Variants in RAB3B observed in about 807,000 individuals in gnomAD.
RAB3B encodes RAB3B, member RAS oncogene family, also known as ras-related protein Rab-3B.
In RAB3B, 11 loss-of-function variants were observed where a neutral mutation model predicts 20.5. The ratio of observed to expected loss-of-function variants is 0.54; its 90% CI spans 0.34 to 0.89. The LOEUF is 0.89. Ranked by LOEUF, RAB3B falls within the 40% of genes least tolerant of loss-of-function variation. The pLI is 0.02. For missense variants in RAB3B, 225 were observed against 280.9 expected (o/e 0.80, Z 1.42); for synonymous variants, 99 against 106.3 (o/e 0.93, Z 0.42).
chr1:51,919,173 C>A lies in RAB3B; in HGVS notation c.*754G>T, dbSNP rs963325916. 6.6e-6 allele frequency: 1 copy of A among 151,532 alleles called. No homozygotes were observed. The highest frequency in any genetic ancestry group is 1.5e-5 in the Non-Finnish European group (1 of 67,872). 9.4% of individuals were successfully genotyped at this position (151,532 alleles called of 1,614,324 possible). A position where few individuals can be genotyped will look rare whatever the true frequency, so the allele number is the denominator to read the frequency against. ...TAATTTTTTGTATTTTTAGTAGAGA[C>A]GGGGTTTCACCTTGTTAGCCAGGAT... On this transcript the variant is annotated 3_prime_UTR_variant, in exon 5 of 5. Transcript: ENST00000371655.
At chr1:51,990,348 C>T (rs942234752) in intron 1 of RAB3B, among the ~76,000 whole-genome samples, 2 of 145,254 alleles carry the variant, frequency 1.4e-5, no homozygotes, top group South Asian at 4.5e-4. Flanking sequence ...CCGGCTGCCC[C>T]CAACGTCTGG....
intron 2 of RAB3B, among the ~76,000 whole-genome samples, chr1:51,967,017 A>AAATG: frequency 1.3e-5 from 2 of 152,274 alleles, no homozygotes; most frequent in Middle Eastern, 3.4e-3. Flanking sequence ...CTCCTGTCTA[A>AAATG]AATGAAAGAC....
In RAB3B at chr1:51,908,914, CT is replaced by C; in HGVS notation, c.*11012del. On this transcript the variant is annotated 3_prime_UTR_variant, in exon 5 of 5. Transcript: ENST00000371655. Reference sequence around the variant, plus strand: ...TCATCAGGGCATGGATGGGAAAGTGCTTTGGGAACTGTAAAGTGCCTAACAC... The same window carrying C: ...TCATCAGGGCATGGATGGGAAAGTGCTTGGGAACTGTAAAGTGCCTAACAC... 6.6e-6 allele frequency: 1 copy of C among 152,280 alleles called. No homozygotes were observed. The highest frequency in any genetic ancestry group is 1.5e-5 in the Non-Finnish European group (1 of 68,058). The allele number at this position is 152,280 out of a possible 1,614,324, so 9.4% of individuals were successfully genotyped here.
intron 2 of RAB3B, among the ~76,000 whole-genome samples, chr1:51,962,068 A>G (rs1035337260): frequency 6.6e-6 from 1 of 152,172 alleles, no homozygotes; most frequent in African/African-American, 2.4e-5. Flanking sequence ...CACTGCACCC[A>G]GACTGAAGCC....
intron 2 of RAB3B, among the ~76,000 whole-genome samples, chr1:51,968,867 G>A (rs1371063963): frequency 6.6e-6 from 1 of 152,164 alleles, no homozygotes; most frequent in Non-Finnish European, 1.5e-5. Flanking sequence ...TATATGAGGA[G>A]TTACTCACAT....
chr1:51,954,807 A>G (rs977397730), intron 2 of RAB3B, among the ~76,000 whole-genome samples: 5 of 152,250 alleles, frequency 3.3e-5, no homozygotes, highest in Middle Eastern at 3.2e-3. Context: ...ATATCTTTAA[A>G]AAAGGATGTA....
rs746898343 is a variant in RAB3B, at chr1:51,971,235, C to CA, written c.228+5654dup. ...AGTGATTTATCAAAGCTCACAAAAC[C>CA]AAAAAAAAAAAAATCACAAAACTTT... On this transcript the variant is annotated intron_variant, in intron 2 of 4. Coordinates refer to ENST00000371655, the MANE Select transcript of RAB3B (RefSeq NM_002867.4). 5.0e-3 allele frequency among the ~76,000 whole-genome samples: 683 copies of CA among 137,970 alleles called. 1 individual carries two copies. Among genetic ancestry groups the CA allele is most frequent in the African/African-American group, 5.0e-3 (188 of 37,656 alleles). 90.5% of individuals were successfully genotyped at this position (137,970 alleles called of 152,430 possible).
rs1684057459 is a variant in RAB3B, at chr1:51,914,727, G to A, written c.*5200C>T. 1 of 152,164 alleles carries A rather than the reference G, an allele frequency of 6.6e-6. No individual in the cohort carries two copies. Among genetic ancestry groups the A allele is most frequent in the African/African-American group, 2.4e-5 (1 of 41,434 alleles). 9.4% of individuals were successfully genotyped at this position (152,164 alleles called of 1,614,324 possible). A position where few individuals can be genotyped will look rare whatever the true frequency, so the allele number is the denominator to read the frequency against. ...TTCCCCAACTATGGCAGGTAATTGG[G>A]TGTAGGCTTGGGGCAGGGAATCTGA... is the stretch of plus-strand genomic sequence containing the variant. On this transcript the variant is annotated 3_prime_UTR_variant, in exon 5 of 5. Coordinates refer to ENST00000371655, the MANE Select transcript of RAB3B (RefSeq NM_002867.4).
intron 3 of RAB3B, among the ~76,000 whole-genome samples, chr1:51,936,763 C>T (rs1279852725): frequency 6.6e-6 from 1 of 152,138 alleles, no homozygotes; most frequent in Admixed American, 6.5e-5. Context: ...GTTCCCACAG[C>T]CCTGATGCCT....
At chr1:51,968,833 T>C (rs1467517845) in intron 2 of RAB3B, among the ~76,000 whole-genome samples, 1 of 152,226 alleles carries the variant, frequency 6.6e-6, no homozygotes, top group Non-Finnish European at 1.5e-5. Flanking sequence ...CCATCTCACC[T>C]TGACCTTGTT....
intron 2 of RAB3B, among the ~76,000 whole-genome samples, chr1:51,961,839 C>T (rs2809950): frequency 0.83 from 125,693 of 151,968 alleles, 52,722 homozygotes; most frequent in Non-Finnish European, 0.89. Flanking sequence ...GGGGCGATCT[C>T]GGCTCACTGC....
intron 4 of RAB3B, among the ~76,000 whole-genome samples, chr1:51,926,389 G>A (rs761211265): frequency 1.3e-5 from 2 of 152,122 alleles, no homozygotes; most frequent in Admixed American, 1.3e-4. Context: ...GGAAGAATAC[G>A]TCTCCCCACT....
rs146675388 is a variant in RAB3B at position 51,965,808 on chromosome 1, T to C, written c.228+11082A>G. Among the ~76,000 whole-genome samples the C allele has an allele frequency of 4.6e-5, 7 of 152,344 alleles. No homozygotes were observed. In the East Asian group the frequency reaches 9.6e-4, roughly 21 times the overall value. ...TCAAATAAAGACGGTAGTTTAATCGTATTGTACCAATGTCAATTTCTTAGT... is the reference window on the plus strand; with the variant it reads ...TCAAATAAAGACGGTAGTTTAATCGCATTGTACCAATGTCAATTTCTTAGT... On this transcript the variant is annotated intron_variant, in intron 2 of 4. Coordinates refer to ENST00000371655, the MANE Select transcript of RAB3B (RefSeq NM_002867.4).
At chr1:51,932,425 T>C (rs1409007837) in intron 4 of RAB3B, among the ~76,000 whole-genome samples, 1 of 152,176 alleles carries the variant, frequency 6.6e-6, no homozygotes, top group Non-Finnish European at 1.5e-5. Context: ...ATACATAAAA[T>C]AAAAGCTCTT....
Position 51,959,796 on chromosome 1 carries a change from G to A in RAB3B, c.228+17094C>T, listed in dbSNP as rs75096182. Among the ~76,000 whole-genome samples, 1,086 of 152,320 alleles carry A rather than the reference G, an allele frequency of 7.1e-3. 12 individuals carry two copies. The highest frequency in any genetic ancestry group is 0.025 in the African/African-American group (1,048 of 41,568). On this transcript the variant is annotated intron_variant, in intron 2 of 4. Transcript: ENST00000371655. ...TAACAAATGTACCATACTAATGTAC[G>A]ATGGTAATAACAGGGAAAACCAGGT...
At chr1:51,978,683 C>T (rs1685042612) in intron 1 of RAB3B, among the ~76,000 whole-genome samples, 1 of 152,216 alleles carries the variant, frequency 6.6e-6, no homozygotes, top group Non-Finnish European at 1.5e-5. Flanking sequence ...CCCTTCTTCT[C>T]AGCACAAGGG....
At chr1:51,935,639 G>T (rs1002871591) in intron 3 of RAB3B, among the ~76,000 whole-genome samples, 2 of 152,144 alleles carry the variant, frequency 1.3e-5, no homozygotes, top group Non-Finnish European at 2.9e-5. Flanking sequence ...GAGGCAGAAT[G>T]AACAGAGACT....
At chr1:51,950,245 C>A (rs1181417931) in intron 2 of RAB3B, among the ~76,000 whole-genome samples, 1 of 152,220 alleles carries the variant, frequency 6.6e-6, no homozygotes, top group African/African-American at 2.4e-5. Flanking sequence ...CTGTTTTTGG[C>A]TTGAAGGTGG....
intron 2 of RAB3B, among the ~76,000 whole-genome samples, chr1:51,948,159 C>G (rs1684588902): frequency 6.6e-6 from 1 of 152,116 alleles, no homozygotes; most frequent in Non-Finnish European, 1.5e-5. Context: ...GAGAGAAGGA[C>G]CAATATCTCT....
Sources: allele counts gnomAD v4.1 joint callset (sites outside exome capture counted in the v4.1 genomes callset), GRCh38; gene constraint gnomAD v4.1.1; transcripts MANE v1.5; gene names NCBI Gene and HGNC (gene_info 2026-07-23, HGNC 2026-07-21).